CELF2: variants seen among roughly 807,000 people sequenced by gnomAD.
The protein encoded by CELF2 is CUG triplet repeat RNA-binding protein 2.
Under a neutral mutation model 62.6 loss-of-function variants are expected in CELF2, and 8 were observed. The observed-to-expected ratio is 0.13, with a 90% CI of 0.07 to 0.23. CELF2 has a LOEUF of 0.23. Among genes scored for constraint, CELF2 ranks in the 10% least tolerant of loss-of-function variants. The pLI, the probability that CELF2 is intolerant of heterozygous loss-of-function variation, is 1.00. For missense variants in CELF2, 333 were observed against 671.0 expected (o/e 0.50, Z 5.56); for synonymous variants, 258 against 250.0 (o/e 1.03, Z -0.30).
chr10:11,290,849 G>A lies in CELF2; in HGVS notation c.976+2297G>A, dbSNP rs1322747352. The stretch of plus-strand genomic sequence containing the variant: ...AAGTATTTTATTAGAATCCTAAAGT[G>A]TAGCAGCAGCAATGATTGAAATCTA... On this transcript the variant is annotated intron_variant, in intron 9 of 12. Transcript: ENST00000633077. This position sits in a 1 kb window ranked among gnomAD's most constrained non-coding sequence, Gnocchi z 4.3. Among the ~76,000 whole-genome samples, 1 of 152,200 alleles carries A rather than the reference G, an allele frequency of 6.6e-6. No homozygotes were observed. Among genetic ancestry groups the A allele is most frequent in the Non-Finnish European group, 1.5e-5 (1 of 68,034 alleles).
the CELF2 span, among the ~76,000 whole-genome samples, chr10:10,785,487 A>G: frequency 6.6e-6 from 1 of 152,206 alleles, no homozygotes; most frequent in Non-Finnish European, 1.5e-5. Flanking sequence ...GTCAAACAAC[A>G]GATAAATGGA....
At chr10:11,029,684 G>C (rs2059801641) in intron 1 of CELF2, among the ~76,000 whole-genome samples, 1 of 152,216 alleles carries the variant, frequency 6.6e-6, no homozygotes, top group Non-Finnish European at 1.5e-5. Context: ...GAGATTCTTG[G>C]GAAGGGAAAA....
the CELF2 span, among the ~76,000 whole-genome samples, chr10:10,759,198 A>C: frequency 0.56 from 85,248 of 151,862 alleles, 24,673 homozygotes; most frequent in African/African-American, 0.7. Flanking sequence ...AAAATAGGAA[A>C]ACATAGATGG....
chr10:11,206,213 G>A (rs1011664666), intron 2 of CELF2, among the ~76,000 whole-genome samples: 10 of 152,152 alleles, frequency 6.6e-5, no homozygotes, highest in African/African-American at 1.4e-4. Flanking sequence ...CTGATGCATC[G>A]TCAAAGCAAG....
At position 11,318,927 on chromosome 10, in the gene CELF2, A is replaced by G. The variant is rs1200896640; in HGVS notation, c.1097-2262A>G. On this transcript the variant is annotated intron_variant, in intron 10 of 12. Coordinates refer to ENST00000633077, the MANE Select transcript of CELF2 (RefSeq NM_001326342.2). The surrounding 1 kb of genome is among the most constrained non-coding windows in gnomAD (Gnocchi z 5.4). ...GGGCCTGAAAACTCCCACCCGCAGC[A>G]GACAAGGCATCATGGTGGTGCGATG... 2.1e-6 allele frequency: 1 copy of G among 471,184 alleles called. No individual in the cohort carries two copies. Among genetic ancestry groups the G allele is most frequent in the South Asian group, 1.5e-5 (1 of 64,566 alleles). 29.2% of individuals were successfully genotyped at this position (471,184 alleles called of 1,614,324 possible). A position where few individuals can be genotyped will look rare whatever the true frequency, so the allele number is the denominator to read the frequency against.
At chr10:11,304,147 A>G (rs965077778) in intron 9 of CELF2, among the ~76,000 whole-genome samples, 3 of 152,168 alleles carry the variant, frequency 2.0e-5, no homozygotes, top group Non-Finnish European at 4.4e-5. Context: ...GCTAGGGTCA[A>G]GGTGTCAGCA....
chr10:10,810,988 C>A (rs760800849), intron 1 of CELF2, among the ~76,000 whole-genome samples: 9 of 152,352 alleles, frequency 5.9e-5, no homozygotes, highest in Non-Finnish European at 8.8e-5. Flanking sequence ...AAGCCTGGGA[C>A]TCTCTTCCAG....
chr10:10,569,274 G>A, the CELF2 span, among the ~76,000 whole-genome samples: 1 of 152,148 alleles, frequency 6.6e-6, no homozygotes, highest in African/African-American at 2.4e-5. Flanking sequence ...CAATCATGGG[G>A]GAAGGCAAGG....
upstream of CELF2, among the ~76,000 whole-genome samples, chr10:11,013,675 G>A (rs909860379): frequency 2.6e-5 from 4 of 152,108 alleles, no homozygotes; most frequent in South Asian, 2.1e-4. The surrounding 1 kb of genome is among the most constrained non-coding windows in gnomAD (Gnocchi z 4.1). Flanking sequence ...GCTTAATAAC[G>A]ATTTCATCTT....
the CELF2 span, among the ~76,000 whole-genome samples, chr10:10,664,146 A>G: frequency 6.6e-6 from 1 of 152,202 alleles, no homozygotes; most frequent in Non-Finnish European, 1.5e-5. Context: ...TGGTCCTGGC[A>G]CATCACAAGC....
chr10:11,209,491 A>T (rs1048344120), intron 2 of CELF2, among the ~76,000 whole-genome samples: 6 of 151,350 alleles, frequency 4.0e-5, no homozygotes, highest in African/African-American at 1.5e-4. Context: ...CTTTCTAAGA[A>T]TGTCATTTTG....
the CELF2 span, among the ~76,000 whole-genome samples, chr10:10,747,621 C>A: frequency 6.6e-6 from 1 of 151,986 alleles, no homozygotes; most frequent in Non-Finnish European, 1.5e-5. Context: ...AAAATACTGG[C>A]ATAATCACAG....
At chr10:11,079,750 C>CCCCT (rs71477268) in intron 1 of CELF2, among the ~76,000 whole-genome samples, 6,452 of 146,134 alleles carry the variant, frequency 0.044, 229 homozygotes, top group African/African-American at 0.091. Flanking sequence ...AGCCCCCCCC[C>CCCCT]CCTTTTTAGG....
chr10:11,331,347 A>AAAAAAAAAAACCTATTCCAGAAT lies in CELF2; in HGVS notation c.*2297_*2319dup, dbSNP rs2096014008. 1 of 148,680 alleles carries AAAAAAAAAAACCTATTCCAGAAT rather than the reference A, an allele frequency of 6.7e-6. No individual in the cohort carries two copies. The highest frequency in any genetic ancestry group is 2.5e-5 in the African/African-American group (1 of 39,792). The allele number at this position is 148,680 out of a possible 1,614,324, so 9.2% of individuals were successfully genotyped here. A position where few individuals can be genotyped will look rare whatever the true frequency, so the allele number is the denominator to read the frequency against. On this transcript the variant is annotated 3_prime_UTR_variant, in exon 13 of 13. Transcript: ENST00000633077. ...CTTAAAAAAAATTTCATGTGAGGGAAAAAAAAAAAACCTATTCCAGAATAA... is the reference window on the plus strand; with the variant it reads ...CTTAAAAAAAATTTCATGTGAGGGAAAAAAAAAAAACCTATTCCAGAATAAAAAAAAAACCTATTCCAGAATAA...
the CELF2 span, among the ~76,000 whole-genome samples, chr10:10,617,091 G>T: frequency 2.0e-5 from 3 of 152,072 alleles, no homozygotes; most frequent in Admixed American, 6.5e-5. Flanking sequence ...AAAATTCCTG[G>T]ATCAGCTAAT....
At chr10:11,253,707 C>T (rs998617979) in intron 4 of CELF2, among the ~76,000 whole-genome samples, 4 of 152,112 alleles carry the variant, frequency 2.6e-5, no homozygotes, top group South Asian at 2.1e-4. Flanking sequence ...AAAGTCACCC[C>T]GTGTATTTAA....
chr10:11,187,283 T>C (rs1401132448), intron 2 of CELF2, among the ~76,000 whole-genome samples: 2 of 152,206 alleles, frequency 1.3e-5, no homozygotes, highest in East Asian at 3.8e-4. Context: ...GGTTTTGAAA[T>C]GACCTTTATT....
In CELF2 at chr10:11,243,531, C is replaced by T. The variant is rs559776302; in HGVS notation, c.355-5622C>T. Among the ~76,000 whole-genome samples the T allele has an allele frequency of 6.6e-6, 1 of 152,320 alleles. No individual in the cohort carries two copies. The highest frequency in any genetic ancestry group is 2.1e-4 in the South Asian group (1 of 4,820). The stretch of plus-strand genomic sequence containing the variant: ...AAAACTCATGCTCCTGCCATTTCCC[C>T]ACAAGCATGCTGCGGCCTTGCGTGA... On this transcript the variant is annotated intron_variant, in intron 3 of 12. Transcript: ENST00000633077. The surrounding 1 kb of genome is among the most constrained non-coding windows in gnomAD (Gnocchi z 4.1).
At position 11,079,750 on chromosome 10, in the gene CELF2, C is replaced by CCCCCT. The variant is rs71477268; in HGVS notation, c.74+61589_74+61590insCCTCC. Among the ~76,000 whole-genome samples, 466 of 146,134 alleles carry CCCCCT rather than the reference C, an allele frequency of 3.2e-3. 2 individuals carry two copies. The highest frequency in any genetic ancestry group is 0.01 in the African/African-American group (401 of 39,084). ...AGAATGGACTAATACAGCCCCCCCCCCCTTTTTAGGCCATGGAATCTAGCA... is the reference window on the plus strand; with the variant it reads ...AGAATGGACTAATACAGCCCCCCCCCCCCCTCCTTTTTAGGCCATGGAATCTAGCA... On this transcript the variant is annotated intron_variant, in intron 1 of 12. Coordinates refer to ENST00000633077, the MANE Select transcript of CELF2 (RefSeq NM_001326342.2).
Sources: allele counts gnomAD v4.1 joint callset (sites outside exome capture counted in the v4.1 genomes callset), GRCh38; gene constraint gnomAD v4.1.1; non-coding constraint Gnocchi (gnomAD v3.1); transcripts MANE v1.5; gene names NCBI Gene and HGNC (gene_info 2026-07-23, HGNC 2026-07-21).